PCDH9: variants seen among roughly 807,000 people sequenced by gnomAD.
PCDH9 encodes protocadherin-9.
Under a neutral mutation model 70.6 loss-of-function variants are expected in PCDH9, and 24 were observed. The observed-to-expected ratio is 0.34, with a 90% CI of 0.25 to 0.48. PCDH9 has a LOEUF of 0.48. PCDH9 is among the 20% of genes least tolerant of loss of function. The probability of loss-of-function intolerance (pLI) is 0.99; values close to 1 mark genes in which losing one functional copy is unlikely to be tolerated. For synonymous variants in PCDH9, 562 were observed against 558.5 expected (o/e 1.01, Z -0.09); for missense variants, 1,281 against 1,503.6 (o/e 0.85, Z 2.45).
chr13:66,376,857 T>C (rs915945853), intron 4 of PCDH9, among the ~76,000 whole-genome samples: 4 of 152,218 alleles, frequency 2.6e-5, no homozygotes, highest in South Asian at 2.1e-4. Flanking sequence ...GCTGTACATT[T>C]ACATGTTTAA....
chr13:67,196,717 CTT>C (rs1658605082), intron 2 of PCDH9, among the ~76,000 whole-genome samples: 1 of 151,924 alleles, frequency 6.6e-6, no homozygotes, highest in Admixed American at 6.6e-5. Flanking sequence ...ATTTTTGTCT[CTT>C]TTTCAAATCA....
chr13:66,340,537 G>C (rs1956108097), intron 4 of PCDH9, among the ~76,000 whole-genome samples: 1 of 152,190 alleles, frequency 6.6e-6, no homozygotes, highest in Non-Finnish European at 1.5e-5. Context: ...AACAGTGACA[G>C]CTAAACCCTC....
At chr13:66,820,228 T>C (rs965590176) in intron 3 of PCDH9, among the ~76,000 whole-genome samples, 12 of 152,158 alleles carry the variant, frequency 7.9e-5, no homozygotes, top group African/African-American at 2.9e-4. Context: ...TAAGCCATAT[T>C]ATACACTATG....
intron 4 of PCDH9, among the ~76,000 whole-genome samples, chr13:66,484,655 C>A (rs1049324924): frequency 5.3e-5 from 8 of 152,102 alleles, no homozygotes; most frequent in African/African-American, 1.9e-4. Context: ...TATTCAGTGC[C>A]AGGTGCATTT....
intron 2 of PCDH9, among the ~76,000 whole-genome samples, chr13:66,983,044 C>T (rs2083807907): frequency 6.6e-6 from 1 of 152,196 alleles, no homozygotes; most frequent in Non-Finnish European, 1.5e-5. Flanking sequence ...GGGCAGTTCA[C>T]CTATAGGGGA....
intron 4 of PCDH9, among the ~76,000 whole-genome samples, chr13:66,554,908 G>A (rs1392526857): frequency 2.6e-5 from 4 of 152,048 alleles, no homozygotes; most frequent in African/African-American, 4.8e-5. Context: ...GGTGTCTCAC[G>A]CCTGTAATCC....
At chr13:66,374,850 G>A (rs1956720937) in intron 4 of PCDH9, among the ~76,000 whole-genome samples, 2 of 151,980 alleles carry the variant, frequency 1.3e-5, no homozygotes, top group African/African-American at 4.8e-5. Context: ...TCTTCATTGA[G>A]GACAGACTGG....
At chr13:67,178,723 A>C (rs889360368) in intron 2 of PCDH9, among the ~76,000 whole-genome samples, 2 of 151,998 alleles carry the variant, frequency 1.3e-5, no homozygotes, top group Non-Finnish European at 2.9e-5. Flanking sequence ...GTTCTACTGG[A>C]TTTAGAACTT....
chr13:66,368,471 G>GAT, intron 4 of PCDH9, among the ~76,000 whole-genome samples: 1 of 151,602 alleles, frequency 6.6e-6, no homozygotes, highest in East Asian at 1.9e-4. Context: ...AAATAAGAGT[G>GAT]ATATAACCTT....
At chr13:66,375,212 C>G (rs1956726893) in intron 4 of PCDH9, among the ~76,000 whole-genome samples, 1 of 151,976 alleles carries the variant, frequency 6.6e-6, no homozygotes, top group Admixed American at 6.6e-5. Context: ...TACTCAGGTG[C>G]CTACTGATAA....
At chr13:66,391,654 C>T (rs763413553) in intron 4 of PCDH9, among the ~76,000 whole-genome samples, 20 of 152,004 alleles carry the variant, frequency 1.3e-4, no homozygotes, top group Non-Finnish European at 2.8e-4. Flanking sequence ...CAAACCTAAA[C>T]CTTCATAAAT....
chr13:67,115,357 G>A lies in PCDH9; in HGVS notation c.3036+110048C>T, dbSNP rs2086739225. ...AGCCAGCTTTGGGCTTCCTGATACA[G>A]GGATGCTTTGCATGTGTGCTGCTGG... On this transcript the variant is annotated intron_variant, in intron 2 of 4. Coordinates refer to ENST00000377865, the MANE Select transcript of PCDH9 (RefSeq NM_203487.3). Among the ~76,000 whole-genome samples the A allele has an allele frequency of 2.0e-5, 3 of 152,220 alleles. No individual in the cohort carries two copies. In the South Asian group the frequency reaches 6.2e-4, roughly 31 times the overall value.
At chr13:66,528,308 C>G (rs1290710424) in intron 4 of PCDH9, among the ~76,000 whole-genome samples, 1 of 152,096 alleles carries the variant, frequency 6.6e-6, no homozygotes, top group Non-Finnish European at 1.5e-5. Context: ...CCATTACCGA[C>G]CTGGCATTCC....
intron 2 of PCDH9, among the ~76,000 whole-genome samples, chr13:67,057,115 G>A (rs2085436589): frequency 6.6e-6 from 1 of 152,052 alleles, no homozygotes; most frequent in Non-Finnish European, 1.5e-5. Context: ...AAAACCAACT[G>A]TGCTCAACTC....
chr13:66,381,284 A>T (rs1331723605), intron 4 of PCDH9, among the ~76,000 whole-genome samples: 2 of 152,214 alleles, frequency 1.3e-5, no homozygotes, highest in Non-Finnish European at 2.9e-5. Flanking sequence ...TTTAGGATTT[A>T]AAAGTAAAAG....
rs753607531 is a variant in PCDH9, at chr13:67,227,163, C to A, written c.1278G>T (p.Leu426Phe). ...ATTCTTTGGTGCCCTCATAGTCCAA[C>A]AAAGAAGAGGTCTCTAACAAATATT... ...DNQYLLETSSLLDYEGTKEFS... is the reference protein window; with the variant it reads ...DNQYLLETSSFLDYEGTKEFS... The change falls in exon 2 of 5, where the codon TTG becomes TTT. Residue 426 changes from leucine (L) to phenylalanine (F), a missense_variant. By Grantham distance (22) the Leu-to-Phe change is conservative. Coordinates refer to ENST00000377865, the MANE Select transcript of PCDH9 (RefSeq NM_203487.3). The surrounding 1 kb of genome is among the most constrained non-coding windows in gnomAD (Gnocchi z 4.6). 3.1e-6 allele frequency: 5 copies of A among 1,613,562 alleles called. No homozygotes were observed. The highest frequency in any genetic ancestry group is 1.7e-5 in the Admixed American group (1 of 60,002).
Position 66,303,891 on chromosome 13 carries a change from A to G in PCDH9, c.*764T>C, listed in dbSNP as rs905623032. 2 of 152,070 alleles carry G rather than the reference A, an allele frequency of 1.3e-5. No individual in the cohort carries two copies. Among genetic ancestry groups the G allele is most frequent in the Admixed American group, 1.3e-4 (2 of 15,224 alleles). 9.4% of individuals were successfully genotyped at this position (152,070 alleles called of 1,614,324 possible). On this transcript the variant is annotated 3_prime_UTR_variant, in exon 5 of 5. Transcript: ENST00000377865. ...CCGGCATCATAAGCTATCATATGAGAAGCAAGATTTCAGAACCTTTTTTAA... is the reference window on the plus strand; with the variant it reads ...CCGGCATCATAAGCTATCATATGAGGAGCAAGATTTCAGAACCTTTTTTAA...
chr13:67,127,970 G>GT (rs2138319729), intron 2 of PCDH9, among the ~76,000 whole-genome samples: 1 of 152,110 alleles, frequency 6.6e-6, no homozygotes, highest in Non-Finnish European at 1.5e-5. Context: ...GGCACTACTT[G>GT]TTTTTGCCAT....
chr13:66,885,700 T>C (rs2081993592), intron 3 of PCDH9, among the ~76,000 whole-genome samples: 1 of 152,126 alleles, frequency 6.6e-6, no homozygotes, highest in African/African-American at 2.4e-5. Context: ...AGTCTCCTAC[T>C]TGGTAAAACT....
Sources: allele counts gnomAD v4.1 joint callset (sites outside exome capture counted in the v4.1 genomes callset), GRCh38; gene constraint gnomAD v4.1.1; non-coding constraint Gnocchi (gnomAD v3.1); transcripts MANE v1.5; gene names NCBI Gene and HGNC (gene_info 2026-07-23, HGNC 2026-07-21).